FAM135B: variants seen among roughly 807,000 people sequenced by gnomAD.
The protein encoded by FAM135B is protein FAM135B.
FAM135B carries 43 observed loss-of-function variants against 127.7 expected under a neutral mutation model. That is an observed-to-expected ratio of 0.34 (90% confidence interval 0.26 to 0.43). FAM135B has a LOEUF of 0.43. Ranked by LOEUF, FAM135B falls within the 20% of genes least tolerant of loss-of-function variation. FAM135B has a pLI of 1.00. For missense variants in FAM135B, 1,558 were observed against 1,725.6 expected, an observed-to-expected ratio of 0.90 and a Z score of 1.72; for synonymous variants, 670 against 665.1, an observed-to-expected ratio of 1.01 and a Z score of -0.11.
At chr8:138,448,755 C>G (rs961208298) in intron 1 of FAM135B, among the ~76,000 whole-genome samples, 4 of 151,092 alleles carry the variant, frequency 2.6e-5, no homozygotes, top group African/African-American at 9.8e-5. Flanking sequence ...CAAGCCTATA[C>G]CTTTCTTCTG....
At chr8:138,218,915 T>C (rs1268528339) in intron 7 of FAM135B, among the ~76,000 whole-genome samples, 2 of 151,644 alleles carry the variant, frequency 1.3e-5, no homozygotes, top group Admixed American at 1.3e-4. Context: ...CGCAAGAAAA[T>C]GAAATTGAAC....
intron 3 of FAM135B, among the ~76,000 whole-genome samples, chr8:138,299,582 C>T (rs908673307): frequency 1.3e-5 from 2 of 149,448 alleles, no homozygotes; most frequent in African/African-American, 4.9e-5. Flanking sequence ...TACACATACA[C>T]ACATACACAC....
intron 12 of FAM135B, among the ~76,000 whole-genome samples, chr8:138,165,071 T>A (rs1255437513): frequency 6.6e-6 from 1 of 151,950 alleles, no homozygotes; most frequent in Admixed American, 6.6e-5. Flanking sequence ...CCAGCTGATA[T>A]TGCAGGATGG....
At chr8:138,226,792 C>T (rs943981145) in intron 7 of FAM135B, among the ~76,000 whole-genome samples, 66 of 152,154 alleles carry the variant, frequency 4.3e-4, no homozygotes, top group African/African-American at 1.5e-3. Context: ...AAACTCCTAA[C>T]CTCAAGTGAT....
chr8:138,270,836 C>G (rs184657015), intron 3 of FAM135B, among the ~76,000 whole-genome samples: 2 of 152,324 alleles, frequency 1.3e-5, no homozygotes, highest in East Asian at 3.9e-4. Context: ...AGGGGACAAA[C>G]GTTTAAATCA....
intron 1 of FAM135B, among the ~76,000 whole-genome samples, chr8:138,385,033 C>A (rs1056601347): frequency 1.3e-5 from 2 of 152,150 alleles, no homozygotes; most frequent in Non-Finnish European, 1.5e-5. Context: ...CTGTGGATAA[C>A]CCCCTTCCCC....
At chr8:138,486,993 T>A (rs143161282) in intron 1 of FAM135B, among the ~76,000 whole-genome samples, 1 of 152,126 alleles carries the variant, frequency 6.6e-6, no homozygotes. Context: ...TACTTTAAGT[T>A]CTAGGGTACA....
chr8:138,336,354 C>G (rs1463888094), intron 2 of FAM135B, among the ~76,000 whole-genome samples: 1 of 152,018 alleles, frequency 6.6e-6, no homozygotes, highest in Non-Finnish European at 1.5e-5. Context: ...ATTGATAGAC[C>G]TCTAGCAAGA....
intron 2 of FAM135B, among the ~76,000 whole-genome samples, chr8:138,360,571 T>C (rs745644216): frequency 6.6e-6 from 1 of 152,206 alleles, no homozygotes; most frequent in Non-Finnish European, 1.5e-5. Flanking sequence ...TCATTTTCTT[T>C]ATAATAAAGA....
In FAM135B at chr8:138,442,236, C is replaced by CTATATATATATATATATATATATATA. The variant is rs1564005402; in HGVS notation, c.-20+54434_-20+54435insTATATATATATATATATATATATATA. Among the ~76,000 whole-genome samples the CTATATATATATATATATATATATATA allele has an allele frequency of 8.4e-4, 11 of 13,130 alleles. 2 individuals are homozygous for CTATATATATATATATATATATATATA. Among genetic ancestry groups the CTATATATATATATATATATATATATA allele is most frequent in the South Asian group, 8.2e-3 (2 of 244 alleles). 8.6% of individuals were successfully genotyped at this position (13,130 alleles called of 152,430 possible). ...AAATTTAACGTGAAGAATATGGACA[C>CTATATATATATATATATATATATATA]CATATATATATATATATATATATAT... On this transcript the variant is annotated intron_variant, in intron 1 of 19. Transcript: ENST00000395297.
intron 2 of FAM135B, among the ~76,000 whole-genome samples, chr8:138,333,131 C>T (rs2131005018): frequency 6.6e-6 from 1 of 152,292 alleles, no homozygotes; most frequent in South Asian, 2.1e-4. Context: ...GATAAAGGAA[C>T]ATCCAGTCAG....
chr8:138,274,607 A>G (rs1415498397), intron 3 of FAM135B, among the ~76,000 whole-genome samples: 1 of 152,134 alleles, frequency 6.6e-6, no homozygotes, highest in Non-Finnish European at 1.5e-5. Flanking sequence ...CCTCTTCCTA[A>G]TAAGCCTGGG....
chr8:138,463,609 G>T (rs1046875744), intron 1 of FAM135B, among the ~76,000 whole-genome samples: 1 of 152,120 alleles, frequency 6.6e-6, no homozygotes, highest in Non-Finnish European at 1.5e-5. Flanking sequence ...AACGTAAAGC[G>T]CTCCACAAAT....
chr8:138,230,395 C>T (rs1250200716), intron 7 of FAM135B, among the ~76,000 whole-genome samples: 2 of 152,158 alleles, frequency 1.3e-5, no homozygotes, highest in Admixed American at 6.5e-5. Context: ...TATAAATTCA[C>T]TACCCTTCAG....
At chr8:138,264,076 T>C (rs1822736631) in intron 4 of FAM135B, among the ~76,000 whole-genome samples, 1 of 152,206 alleles carries the variant, frequency 6.6e-6, no homozygotes, top group African/African-American at 2.4e-5. Flanking sequence ...CCTCCCTCTC[T>C]GTGCAAGTCA....
intron 1 of FAM135B, among the ~76,000 whole-genome samples, chr8:138,422,107 CAA>C (rs1360397503): frequency 6.6e-6 from 1 of 151,968 alleles, no homozygotes; most frequent in Non-Finnish European, 1.5e-5. Context: ...TCACCATACA[CAA>C]AAAAGTCAAC....
chr8:138,199,546 C>T (rs1816940977), intron 7 of FAM135B, among the ~76,000 whole-genome samples: 1 of 152,178 alleles, frequency 6.6e-6, no homozygotes, highest in Admixed American at 6.5e-5. Context: ...TACCCATTCA[C>T]TGGTCAGTAC....
At position 138,235,725 on chromosome 8, in the gene FAM135B, C is replaced by T. The variant is rs191342529; in HGVS notation, c.669+7217G>A. Among the ~76,000 whole-genome samples the T allele has an allele frequency of 1.1e-3, 174 of 152,256 alleles. 1 individual carries two copies. Among genetic ancestry groups the T allele is most frequent in the Non-Finnish European group, 4.4e-4 (30 of 68,024 alleles). On this transcript the variant is annotated intron_variant, in intron 7 of 19. Transcript: ENST00000395297. ...GAAGGGGCTGTCATGGCACAAGGCT[C>T]GGCATGGTGGGAGCCTTATAAAGCT...
chr8:138,489,850 T>C (rs932247109), intron 1 of FAM135B, among the ~76,000 whole-genome samples: 2 of 152,194 alleles, frequency 1.3e-5, no homozygotes, highest in Admixed American at 6.5e-5. Context: ...ATGTAACTCC[T>C]ACTTTCCATT....
Sources: gnomAD v4.1 joint callset for allele counts (sites outside exome capture counted in the v4.1 genomes callset) on GRCh38, gnomAD v4.1.1 for gene constraint, MANE v1.5 for transcripts, NCBI Gene and HGNC (gene_info 2026-07-23, HGNC 2026-07-21) for gene names.